Variants in EOGT observed in about 807,000 individuals in gnomAD.
EOGT encodes EGF domain specific O-linked N-acetylglucosamine transferase, also known as EGF domain-specific O-linked N-acetylglucosamine transferase.
A neutral mutation model predicts 70.5 loss-of-function variants in EOGT; 55 were observed. That is an observed-to-expected ratio of 0.78 (90% confidence interval 0.63 to 0.98). EOGT has a LOEUF of 0.98. Ranked by LOEUF, EOGT falls within the 50% of genes least tolerant of loss-of-function variation. The pLI is 0.00. For missense variants in EOGT, 703 were observed against 641.9 expected, an observed-to-expected ratio of 1.10 and a Z score of -1.03; for synonymous variants, 246 against 217.1, an observed-to-expected ratio of 1.13 and a Z score of -1.17.
intron 10 of EOGT, among the ~76,000 whole-genome samples, chr3:68,989,255 T>C (rs1341074506): frequency 1.3e-5 from 2 of 152,188 alleles, no homozygotes; most frequent in Admixed American, 1.3e-4. Context: ...TAGTGTTTCA[T>C]TTTTCTACCT....
rs928877791 is a variant in EOGT, at chr3:69,001,526, T to C, written c.727+82A>G. On this transcript the variant is annotated intron_variant, in intron 9 of 17. Coordinates refer to ENST00000383701, the MANE Select transcript of EOGT (RefSeq NM_001278689.2). ...TGTTTGTCATACTGCTTCCAAAAAA[T>C]TCAGAGAGAATTACTACATCCAAAA... 2.0e-4 allele frequency: 180 copies of C among 921,974 alleles called. No homozygotes were observed. The African/African-American group carries it at 2.9e-3, about 15-fold the overall frequency. 57.1% of individuals were successfully genotyped at this position (921,974 alleles called of 1,614,324 possible). A position where few individuals can be genotyped will look rare whatever the true frequency, so the allele number is the denominator to read the frequency against.
intron 14 of EOGT, among the ~76,000 whole-genome samples, chr3:68,987,004 G>A (rs1054092244): frequency 2.6e-5 from 4 of 152,232 alleles, no homozygotes; most frequent in African/African-American, 9.6e-5. Context: ...ACTGAAATGA[G>A]TAAGGATGCT....
rs900684486 is a variant in EOGT at position 69,004,430 on chromosome 3, C to G, written c.568G>C (p.Asp190His). The G allele has an allele frequency of 6.2e-7, 1 of 1,614,168 alleles. No individual in the cohort carries two copies. Among genetic ancestry groups the G allele is most frequent in the East Asian group, 2.2e-5 (1 of 44,874 alleles). Reference protein sequence around the residue: ...SGEIGGHCKLDIRTLTSEGQR... With the variant: ...SGEIGGHCKLHIRTLTSEGQR... The stretch of plus-strand genomic sequence containing the variant: ...CCTTCAGACGTCAATGTACGGATGT[C>G]AAGTTTACAGTGCCCTCCAATTTCA... The change falls in exon 8 of 18, where the codon GAC becomes CAC. Residue 190 changes from aspartate to histidine, a missense_variant. Asp to His is a moderately conservative substitution (Grantham distance 81). Transcript: ENST00000383701.
chr3:68,995,186 T>C (rs1266853682), intron 10 of EOGT, among the ~76,000 whole-genome samples: 1 of 152,130 alleles, frequency 6.6e-6, no homozygotes, highest in Non-Finnish European at 1.5e-5. Flanking sequence ...GAGGGATTCA[T>C]GTCATAGTCA....
chr3:68,998,029 G>GTA lies in EOGT; in HGVS notation c.811_812dup (p.Ile272ThrfsTer3), dbSNP rs758423134. 1.3e-6 allele frequency: 2 copies of GTA among 1,567,848 alleles called. No homozygotes were observed. The highest frequency in any genetic ancestry group is 3.8e-5 in the Admixed American group (2 of 53,228). ...TACTTACGGTGTCCCACATCACGAT[G>GTA]TACACGTCAGTACTGAATGAGTTAT... On this transcript the variant is annotated frameshift_variant, in exon 10 of 18. Coordinates refer to ENST00000383701, the MANE Select transcript of EOGT (RefSeq NM_001278689.2). LOFTEE classifies it high-confidence loss of function.
chr3:69,004,225 G>A (rs1575771252), intron 8 of EOGT, among the ~76,000 whole-genome samples, 153 bp downstream of exon 8: 1 of 152,162 alleles, frequency 6.6e-6, no homozygotes, highest in East Asian at 1.9e-4. Flanking sequence ...ATGCAACTGA[G>A]GGATTCACTC....
At position 68,977,381 on chromosome 3, in the gene EOGT, T is replaced by A. The variant is rs999016720; in HGVS notation, c.*237A>T. On this transcript the variant is annotated 3_prime_UTR_variant, in exon 18 of 18. Transcript: ENST00000383701. Reference sequence around the variant, plus strand: ...GTATACTGGGGAGTCCATGCTTAATTTTTGAACTATAAAAAGTTTTCAGTG... The same window carrying A: ...GTATACTGGGGAGTCCATGCTTAATATTTGAACTATAAAAAGTTTTCAGTG... The A allele has an allele frequency of 6.9e-6, 3 of 436,864 alleles. No individual in the cohort carries two copies. Among genetic ancestry groups the A allele is most frequent in the Non-Finnish European group, 1.2e-5 (3 of 249,808 alleles). 27.1% of individuals were successfully genotyped at this position (436,864 alleles called of 1,614,324 possible).
Position 68,988,383 on chromosome 3 carries a change from T to C in EOGT, c.997-2A>G. The C allele has an allele frequency of 1.3e-6, 2 of 1,534,318 alleles. No individual in the cohort carries two copies. Among genetic ancestry groups the C allele is most frequent in the Non-Finnish European group, 1.7e-6 (2 of 1,145,366 alleles). On this transcript the variant is annotated splice_acceptor_variant, in intron 12 of 17. Coordinates refer to ENST00000383701, the MANE Select transcript of EOGT (RefSeq NM_001278689.2). LOFTEE classifies it high-confidence loss of function. ...TCCAGTATTTTGACAGCCAGATATC[T>C]AAAATAAAAACACTGGTTCATATTA...
At chr3:68,998,893 G>T (rs1255509385) in intron 9 of EOGT, among the ~76,000 whole-genome samples, 1 of 151,078 alleles carries the variant, frequency 6.6e-6, no homozygotes, top group Non-Finnish European at 1.5e-5. Flanking sequence ...TGTTCATCAG[G>T]GAAGTACTGG....
chr3:69,001,735 A>T, intron 8 of EOGT, 21 bp from the exon 9 acceptor site: 1 of 1,520,042 alleles, frequency 6.6e-7, no homozygotes, highest in Non-Finnish European at 9.1e-7. Context: ...GAATTGGGAC[A>T]TGACTTCAAA....
chr3:68,996,744 CCCTGCAATGTCAT>C (rs2091159423), intron 10 of EOGT, among the ~76,000 whole-genome samples: 1 of 152,190 alleles, frequency 6.6e-6, no homozygotes, highest in African/African-American at 2.4e-5. Flanking sequence ...GCTGTGGTTC[CCCTGCAATGTCAT>C]CCTGAATAGA....
At chr3:68,996,720 T>A (rs1194496350) in intron 10 of EOGT, among the ~76,000 whole-genome samples, 2 of 152,216 alleles carry the variant, frequency 1.3e-5, no homozygotes, top group African/African-American at 4.8e-5. Flanking sequence ...CACCTGAGGC[T>A]GCCCTGCCAG....
intron 9 of EOGT, 38 bp from the exon 10 acceptor site, chr3:68,998,152 A>G: frequency 8.9e-7 from 1 of 1,124,216 alleles, no homozygotes; most frequent in South Asian, 1.3e-5. Context: ...ATTAACACCA[A>G]AGAGCACATG....
chr3:69,001,163 T>C (rs1333221760), intron 9 of EOGT, among the ~76,000 whole-genome samples: 1 of 152,090 alleles, frequency 6.6e-6, no homozygotes, highest in Non-Finnish European at 1.5e-5. Context: ...TTTCACCATG[T>C]TGGCCAGGAT....
rs2090504904 is a variant in EOGT at position 68,977,524 on chromosome 3, G to A, written c.*94C>T. 1 of 1,331,062 alleles carries A rather than the reference G, an allele frequency of 7.5e-7. No individual in the cohort carries two copies. The highest frequency in any genetic ancestry group is 2.0e-5 in the Admixed American group (1 of 50,244). The allele number at this position is 1,331,062 out of a possible 1,614,324, so 82.5% of individuals were successfully genotyped here. A position where few individuals can be genotyped will look rare whatever the true frequency, so the allele number is the denominator to read the frequency against. The stretch of plus-strand genomic sequence containing the variant: ...TTTTGGCATAGAAAAGGTAATTCGG[G>A]GATAGGAAATAACAGATTGCTTTAC... On this transcript the variant is annotated 3_prime_UTR_variant, in exon 18 of 18. Coordinates refer to ENST00000383701, the MANE Select transcript of EOGT (RefSeq NM_001278689.2).
intron 3 of EOGT, among the ~76,000 whole-genome samples, chr3:69,011,410 G>A (rs1229313742): frequency 3.3e-5 from 5 of 151,498 alleles, no homozygotes; most frequent in Admixed American, 6.6e-5. Context: ...CAGATTGCTT[G>A]AGTCCCTGAG....
At chr3:69,002,803 T>C (rs1296100698) in intron 8 of EOGT, among the ~76,000 whole-genome samples, 2 of 152,110 alleles carry the variant, frequency 1.3e-5, no homozygotes, top group Non-Finnish European at 2.9e-5. Flanking sequence ...TACAGGGGCA[T>C]GCCATCTCGC....
chr3:68,978,427 C>G lies in EOGT; in HGVS notation c.1343G>C (p.Cys448Ser). The G allele has an allele frequency of 1.2e-6, 2 of 1,605,852 alleles. No homozygotes were observed. The highest frequency in any genetic ancestry group is 1.7e-6 in the Non-Finnish European group (2 of 1,177,242). Residue 448 changes from cysteine (C) to serine (S), a missense_variant, in exon 17 of 18, where the codon TGT becomes TCT. By Grantham distance (112) the Cys-to-Ser change is moderately radical. Coordinates refer to ENST00000383701, the MANE Select transcript of EOGT (RefSeq NM_001278689.2). ...DWAAVFELYN[C>S]EDERCYLDLA... Reference sequence around the variant, plus strand: ...GTCTAAGTAACAGCGTTCATCTTCACAGTTGTACCTAAGGACACAAGGGTG... The same window carrying G: ...GTCTAAGTAACAGCGTTCATCTTCAGAGTTGTACCTAAGGACACAAGGGTG...
intron 7 of EOGT, 40 bp downstream of exon 7, chr3:69,005,100 C>T (rs1360508659): frequency 8.9e-7 from 1 of 1,126,270 alleles, no homozygotes; most frequent in Non-Finnish European, 1.3e-6. Context: ...GAAAATATTT[C>T]AGAATTTATA....
Sources: allele counts gnomAD v4.1 joint callset (sites outside exome capture counted in the v4.1 genomes callset), GRCh38; gene constraint gnomAD v4.1.1; transcripts MANE v1.5; gene names NCBI Gene and HGNC (gene_info 2026-07-23, HGNC 2026-07-21).